Variants in RIMBP2 observed in about 807,000 individuals in gnomAD.
RIMBP2 encodes RIMS binding protein 2.
RIMBP2 carries 48 observed loss-of-function variants against 118.6 expected under a neutral mutation model. That is an observed-to-expected ratio of 0.40 (90% CI 0.32 to 0.51). RIMBP2 has a LOEUF of 0.51. Among genes scored for constraint, RIMBP2 ranks in the 20% least tolerant of loss-of-function variants. RIMBP2 has a pLI of 0.41. For synonymous variants in RIMBP2, 762 were observed against 742.9 expected (o/e 1.03, Z -0.42); for missense variants, 1,551 against 1,768.3 (o/e 0.88, Z 2.20).
At chr12:130,653,922 G>A (rs763755244) in intron 1 of RIMBP2, among the ~76,000 whole-genome samples, 29 of 152,210 alleles carry the variant, frequency 1.9e-4, no homozygotes, top group Non-Finnish European at 3.8e-4. Flanking sequence ...GCAGGGCAGC[G>A]GGGCCCTGGA....
chr12:130,589,264 C>G (rs185973032), intron 2 of RIMBP2, among the ~76,000 whole-genome samples: 1 of 152,352 alleles, frequency 6.6e-6, no homozygotes, highest in East Asian at 1.9e-4. Context: ...CAAACACACA[C>G]ACCTTCACAA....
Position 130,442,298 on chromosome 12 carries a change from G to C in RIMBP2, c.1054C>G (p.Leu352Val), listed in dbSNP as rs1411312920. ...TTCATGCGTGTCTCCTTGTCCACCA[G>C]GACGTTGTAGCTGCTCACCGTTCCC... ...GWGTVSSYNV[L>V]VDKETRMNLT... Residue 352 changes from leucine (L) to valine (V), a missense_variant, in exon 11 of 23, where the codon CTG becomes GTG. Coordinates refer to ENST00000690449, the MANE Select transcript of RIMBP2 (RefSeq NM_001393629.1). This position sits in a 1 kb window ranked among gnomAD's most constrained non-coding sequence, Gnocchi z 6.9. 20 of 1,614,216 alleles carry C rather than the reference G, an allele frequency of 1.2e-5. No homozygotes were observed. The highest frequency in any genetic ancestry group is 1.6e-5 in the Non-Finnish European group (19 of 1,180,036).
intron 2 of RIMBP2, among the ~76,000 whole-genome samples, chr12:130,589,109 C>T (rs1192366396): frequency 1.3e-5 from 2 of 152,200 alleles, no homozygotes; most frequent in Non-Finnish European, 1.5e-5. Context: ...TTCAGATCTC[C>T]AGTGACTCTA....
intron 16 of RIMBP2, among the ~76,000 whole-genome samples, chr12:130,423,885 C>G (rs1275557514): frequency 6.6e-6 from 1 of 152,058 alleles, no homozygotes; most frequent in African/African-American, 2.4e-5. Flanking sequence ...TTCAGTTGTC[C>G]TTTAATTCAA....
intron 2 of RIMBP2, among the ~76,000 whole-genome samples, chr12:130,535,751 A>ATG (rs2053998113): frequency 6.4e-5 from 2 of 31,478 alleles, no homozygotes; most frequent in South Asian, 1.5e-3. Context: ...ATATATATAT[A>ATG]TATATATATA....
At chr12:130,599,499 A>G (rs1342132328) in intron 2 of RIMBP2, among the ~76,000 whole-genome samples, 1 of 152,240 alleles carries the variant, frequency 6.6e-6, no homozygotes. Context: ...AAATAAGCAC[A>G]TGAAAAGATG....
chr12:130,685,695 G>A (rs556804314), intron 1 of RIMBP2, among the ~76,000 whole-genome samples: 2 of 152,226 alleles, frequency 1.3e-5, no homozygotes, highest in East Asian at 3.9e-4. Flanking sequence ...GAGATCCCGC[G>A]ACTCTTTATG....
intron 1 of RIMBP2, among the ~76,000 whole-genome samples, chr12:130,678,314 G>A (rs561808528): frequency 1.7e-3 from 266 of 152,292 alleles, no homozygotes; most frequent in Non-Finnish European, 3.2e-3. Context: ...CGGCAACATC[G>A]TCCCCAGGAG....
Position 130,475,665 on chromosome 12 carries a change from C to T in RIMBP2, c.102+3247G>A, listed in dbSNP as rs1272685833. On this transcript the variant is annotated intron_variant, in intron 5 of 22. Coordinates refer to ENST00000690449, the MANE Select transcript of RIMBP2 (RefSeq NM_001393629.1). The surrounding 1 kb of genome is among the most constrained non-coding windows in gnomAD (Gnocchi z 4.1). ...TCAGAAGCCCCCCAGAGGACTGAGA[C>T]TCTCTTGAGAGGAATTTTACAGCTT... is the stretch of plus-strand genomic sequence containing the variant. Among the ~76,000 whole-genome samples, 1 of 151,976 alleles carries T rather than the reference C, an allele frequency of 6.6e-6. No homozygotes were observed.
chr12:130,552,079 A>G (rs533243950), intron 2 of RIMBP2, among the ~76,000 whole-genome samples: 47 of 152,376 alleles, frequency 3.1e-4, no homozygotes, highest in South Asian at 1.4e-3. Flanking sequence ...TAACTGCTTT[A>G]ACATCTATAA....
intron 6 of RIMBP2, among the ~76,000 whole-genome samples, chr12:130,459,139 G>C (rs1011609491): frequency 1.3e-5 from 2 of 152,024 alleles, no homozygotes; most frequent in African/African-American, 2.4e-5. Flanking sequence ...ATCAGCGGTT[G>C]TCAGGGTTTT....
intron 1 of RIMBP2, among the ~76,000 whole-genome samples, chr12:130,664,861 AG>A (rs2063850296): frequency 6.6e-6 from 1 of 151,760 alleles, no homozygotes; most frequent in Non-Finnish European, 1.5e-5. Context: ...ACATAAATAA[AG>A]GGGGGCGGGG....
rs397700189 is a variant in RIMBP2 at position 130,650,958 on chromosome 12, TAAA to T, written c.-351-22505_-351-22503del. On this transcript the variant is annotated intron_variant, in intron 1 of 22. Transcript: ENST00000690449. ...AAAATTTACACAGCCTTGTTTTTTT[TAAA>T]AAAAAAAAAAAAAAAGAAAGAAAAG... Among the ~76,000 whole-genome samples, 174 of 125,624 alleles carry T rather than the reference TAAA, an allele frequency of 1.4e-3. 1 individual carries two copies. Among genetic ancestry groups the T allele is most frequent in the African/African-American group, 4.7e-3 (161 of 33,908 alleles). 82.4% of individuals were successfully genotyped at this position (125,624 alleles called of 152,430 possible). A position where few individuals can be genotyped will look rare whatever the true frequency, so the allele number is the denominator to read the frequency against.
chr12:130,585,830 C>T (rs768492033), intron 2 of RIMBP2, among the ~76,000 whole-genome samples: 15 of 152,190 alleles, frequency 9.9e-5, no homozygotes, highest in East Asian at 1.9e-4. Context: ...GGTTCTCTCA[C>T]GTCTTGCCTG....
At chr12:130,633,629 C>G (rs1006588948) in intron 1 of RIMBP2, among the ~76,000 whole-genome samples, 3 of 152,192 alleles carry the variant, frequency 2.0e-5, no homozygotes, top group Non-Finnish European at 4.4e-5. Flanking sequence ...GGTTTAGAAA[C>G]CAGGGGTTAT....
intron 10 of RIMBP2, among the ~76,000 whole-genome samples, chr12:130,444,784 G>T (rs2078393892): frequency 6.6e-6 from 1 of 152,220 alleles, no homozygotes; most frequent in Non-Finnish European, 1.5e-5. Flanking sequence ...ACAAGGCTCT[G>T]CCAGAGAGGG....
intron 21 of RIMBP2, among the ~76,000 whole-genome samples, chr12:130,400,223 G>A (rs141844932): frequency 2.3e-3 from 348 of 152,336 alleles, no homozygotes; most frequent in Admixed American, 4.0e-3. Context: ...GACACCTTCA[G>A]ACGGTGGGGA....
intron 4 of RIMBP2, among the ~76,000 whole-genome samples, chr12:130,487,737 A>G (rs2082605783): frequency 6.6e-6 from 1 of 152,188 alleles, no homozygotes; most frequent in Admixed American, 6.5e-5. Context: ...ACCCTTGTCC[A>G]TGAGAACCAC....
chr12:130,659,111 C>G (rs118025163), intron 1 of RIMBP2, among the ~76,000 whole-genome samples: 2,029 of 152,272 alleles, frequency 0.013, 33 homozygotes, highest in East Asian at 0.067. Context: ...AGTGGGCTCA[C>G]CCAGTGCTAT....
Sources: allele counts gnomAD v4.1 joint callset (sites outside exome capture counted in the v4.1 genomes callset), GRCh38; gene constraint gnomAD v4.1.1; non-coding constraint Gnocchi (gnomAD v3.1); transcripts MANE v1.5; gene names NCBI Gene and HGNC (gene_info 2026-07-23, HGNC 2026-07-21).